LRPPRC: variants seen among roughly 807,000 people sequenced by gnomAD.
LRPPRC encodes leucine-rich PPR motif-containing protein, mitochondrial.
Under a neutral mutation model 180.3 loss-of-function variants are expected in LRPPRC, and 120 were observed. That is an observed-to-expected ratio of 0.67 (90% CI 0.57 to 0.77). LRPPRC has a LOEUF of 0.77. Among genes scored for constraint, LRPPRC ranks in the 30% least tolerant of loss-of-function variants. The pLI is 0.00. For missense variants in LRPPRC, 2,012 were observed against 1,657.2 expected (o/e 1.21, Z -3.72); for synonymous variants, 723 against 600.0 (o/e 1.21, Z -3.00).
chr2:43,901,289 A>C lies in LRPPRC; in HGVS notation c.3569+31T>G, dbSNP rs200678877. The C allele has an allele frequency of 4.5e-5, 71 of 1,578,024 alleles. No homozygotes were observed. In the East Asian group the frequency reaches 8.7e-4, roughly 19 times the overall value. On this transcript the variant is annotated intron_variant, in intron 32 of 37. Coordinates refer to ENST00000260665, the MANE Select transcript of LRPPRC (RefSeq NM_133259.4). Reference sequence around the variant, plus strand: ...GAGGCAATGCCCATTCTAGTGACCAATGAAGGAAAAGAAGGCTTGCAAATA... The same window carrying C: ...GAGGCAATGCCCATTCTAGTGACCACTGAAGGAAAAGAAGGCTTGCAAATA...
chr2:43,938,563 C>T (rs1421866792), intron 23 of LRPPRC, among the ~76,000 whole-genome samples: 1 of 152,180 alleles, frequency 6.6e-6, no homozygotes, highest in African/African-American at 2.4e-5. Flanking sequence ...CTACAAACTA[C>T]AATTTTTTCA....
Position 43,912,482 on chromosome 2 carries a change from T to C in LRPPRC, c.3225A>G (p.Lys1075=), listed in dbSNP as rs1161527015. The change falls in exon 30 of 38, where the codon AAA becomes AAG. Residue 1075 remains lysine, a synonymous_variant. Coordinates refer to ENST00000260665, the MANE Select transcript of LRPPRC (RefSeq NM_133259.4). ...FNAETYSNLI[K]LLMSEDYFTQ... ...TAAAATAATCTTCTGACATCAGTAA[T>C]TTAATGAGATTGCTGTAGGTTTCAG... The C allele has an allele frequency of 6.2e-7, 1 of 1,600,542 alleles. No homozygotes were observed. The highest frequency in any genetic ancestry group is 1.3e-5 in the African/African-American group (1 of 74,670).
intron 26 of LRPPRC, 83 bp from the exon 27 acceptor site, chr2:43,925,240 C>A: frequency 1.2e-6 from 1 of 824,506 alleles, no homozygotes; most frequent in South Asian, 1.3e-5. Context: ...AATAATCTTT[C>A]AAATTAGCTT....
chr2:43,994,378 T>A (rs1674923544), intron 1 of LRPPRC, among the ~76,000 whole-genome samples: 1 of 152,230 alleles, frequency 6.6e-6, no homozygotes, highest in Admixed American at 6.5e-5. Flanking sequence ...AAGGTCCGCA[T>A]AACCGTAGAT....
intron 20 of LRPPRC, 23 bp from the exon 21 acceptor site, chr2:43,946,266 A>C (rs376001859): frequency 1.2e-6 from 2 of 1,600,138 alleles, no homozygotes; most frequent in African/African-American, 2.7e-5. Flanking sequence ...ATAGATGTGA[A>C]AAAGAAGAAA....
At chr2:43,915,828 T>A (rs563924579) in intron 29 of LRPPRC, among the ~76,000 whole-genome samples, 2 of 152,270 alleles carry the variant, frequency 1.3e-5, no homozygotes, top group South Asian at 4.2e-4. Context: ...ATCACCCAGG[T>A]GCGATCATGG....
chr2:43,944,365 T>G (rs1444215334), intron 22 of LRPPRC, among the ~76,000 whole-genome samples: 1 of 152,096 alleles, frequency 6.6e-6, no homozygotes, highest in Non-Finnish European at 1.5e-5. Context: ...GCAGAGCCAA[T>G]GAAAGCTTTC....
intron 11 of LRPPRC, among the ~76,000 whole-genome samples, chr2:43,964,642 G>A (rs939028008): frequency 3.3e-5 from 5 of 151,784 alleles, no homozygotes; most frequent in African/African-American, 1.2e-4. Context: ...ACACAAGCAA[G>A]TCTAACTACA....
intron 32 of LRPPRC, among the ~76,000 whole-genome samples, chr2:43,900,204 C>T (rs538221025): frequency 1.2e-4 from 18 of 152,186 alleles, no homozygotes; most frequent in African/African-American, 4.1e-4. Flanking sequence ...AAAGTATCTT[C>T]ACACTTTACA....
At chr2:43,902,460 A>G (rs1280211384) in intron 31 of LRPPRC, 1 of 152,214 alleles carries the variant, frequency 6.6e-6, no homozygotes, top group East Asian at 1.9e-4. Flanking sequence ...ACAGCTTTCC[A>G]ACTAAGAACA....
In LRPPRC at chr2:43,899,616, C is replaced by A; in HGVS notation, c.3570-11G>T. 6.3e-7 allele frequency: 1 copy of A among 1,591,256 alleles called. No homozygotes were observed. The highest frequency in any genetic ancestry group is 8.6e-7 in the Non-Finnish European group (1 of 1,160,686). On this transcript the variant is annotated splice_polypyrimidine_tract_variant and intron_variant, in intron 32 of 37. Transcript: ENST00000260665. ...GCATCTATGTTATTACTGTTAAAAG[C>A]AAAATAAATTACTTAAAAATTTGCT...
chr2:43,928,207 C>T (rs1671957976), intron 25 of LRPPRC, among the ~76,000 whole-genome samples: 1 of 152,090 alleles, frequency 6.6e-6, no homozygotes, highest in Non-Finnish European at 1.5e-5. Flanking sequence ...ACTAGGTTTA[C>T]TTGTATAGGG....
chr2:43,921,123 C>G (rs1297439970), intron 27 of LRPPRC, among the ~76,000 whole-genome samples: 1 of 152,080 alleles, frequency 6.6e-6, no homozygotes, highest in Non-Finnish European at 1.5e-5. Flanking sequence ...GAAACCCCAT[C>G]TCTACTAAAA....
rs559377473 is a variant in LRPPRC at position 43,891,732 on chromosome 2, G to A, written c.3986-1856C>T. Among the ~76,000 whole-genome samples the A allele has an allele frequency of 4.6e-5, 7 of 152,308 alleles. No homozygotes were observed. The South Asian group carries it at 1.4e-3, about 32-fold the overall frequency. ...CCTATTATAGCCTCTAAGTGTTCAA[G>A]TGAAAGAGTCATACATCTCTCATTT... On this transcript the variant is annotated intron_variant, in intron 36 of 37. Transcript: ENST00000260665.
chr2:43,983,925 A>T (rs1202562711), intron 1 of LRPPRC, among the ~76,000 whole-genome samples: 4 of 152,266 alleles, frequency 2.6e-5, no homozygotes, highest in Middle Eastern at 3.4e-3. Context: ...TCCACCATCT[A>T]GGTATAAAAT....
At chr2:43,990,882 G>A (rs920461097) in intron 1 of LRPPRC, among the ~76,000 whole-genome samples, 3 of 144,426 alleles carry the variant, frequency 2.1e-5, no homozygotes, top group East Asian at 2.0e-4. Context: ...GTCTCGCTTC[G>A]TAGCCCAGGC....
chr2:43,989,139 C>T (rs1029376299), intron 1 of LRPPRC, among the ~76,000 whole-genome samples: 15 of 152,124 alleles, frequency 9.9e-5, no homozygotes, highest in African/African-American at 2.9e-4. Flanking sequence ...TCTCAAAGTG[C>T]GGAGATTACT....
At chr2:43,903,540 C>T (rs926600565) in intron 31 of LRPPRC, 1 of 129,730 alleles carries the variant, frequency 7.7e-6, no homozygotes, top group South Asian at 2.3e-4. Context: ...TCATTTTACT[C>T]TAACAACAGG....
intron 13 of LRPPRC, chr2:43,959,354 A>G: frequency 1.7e-6 from 1 of 597,978 alleles, no homozygotes; most frequent in South Asian, 2.1e-5. Flanking sequence ...CCCTTACAAT[A>G]TTACAACAAA....
Sources: gnomAD v4.1 joint callset for allele counts (sites outside exome capture counted in the v4.1 genomes callset) on GRCh38, gnomAD v4.1.1 for gene constraint, MANE v1.5 for transcripts, NCBI Gene and HGNC (gene_info 2026-07-23, HGNC 2026-07-21) for gene names.